The following PSME4 variants were observed in gnomAD, a reference collection of about 807,000 sequenced individuals.
PSME4 encodes the protein proteasome activator subunit 4, also known as proteasome activator complex subunit 4.
A neutral mutation model predicts 253.9 loss-of-function variants in PSME4; 89 were observed. The ratio of observed to expected loss-of-function variants is 0.35; its 90% CI spans 0.30 to 0.42. PSME4 has a LOEUF of 0.42. PSME4 is among the 10% of genes least tolerant of loss of function. The pLI, the probability that PSME4 is intolerant of heterozygous loss-of-function variation, is 1.00. For synonymous variants in PSME4, 851 were observed against 759.2 expected (o/e 1.12, Z -1.99); for missense variants, 2,014 against 2,195.2 (o/e 0.92, Z 1.65).
At chr2:53,959,039 G>A (rs967079557) in intron 1 of PSME4, among the ~76,000 whole-genome samples, 1 of 152,172 alleles carries the variant, frequency 6.6e-6, no homozygotes, top group African/African-American at 2.4e-5. Flanking sequence ...TTAAGAGCTG[G>A]GCGTGGTGGC....
Position 53,949,236 on chromosome 2 carries a change from A to C in PSME4, c.290T>G (p.Leu97Arg), listed in dbSNP as rs1439750154. ...GRKFSKEDHV[L>R]FIKLLYELVS... ...CAGCTCATACAATAACTTAATAAAAAGAACATGATCTTCTTTGCTAAATTT... is the reference window on the plus strand; with the variant it reads ...CAGCTCATACAATAACTTAATAAAACGAACATGATCTTCTTTGCTAAATTT... The change falls in exon 2 of 47, where the codon CTT (leucine) becomes CGT (arginine). Residue 97 changes from leucine to arginine, a missense_variant. Physicochemically the swap from Leu to Arg is moderately radical, Grantham distance 102. This residue lies in a region of PSME4 where 615 missense variants were observed against 594.4 expected (regional missense o/e 1.03). Transcript: ENST00000404125. 4 of 1,610,560 alleles carry C rather than the reference A, an allele frequency of 2.5e-6. No individual in the cohort carries two copies. In the African/African-American group the frequency reaches 5.3e-5, roughly 22 times the overall value.
chr2:53,915,024 T>C (rs1471828376), intron 20 of PSME4, among the ~76,000 whole-genome samples: 3 of 152,160 alleles, frequency 2.0e-5, no homozygotes, highest in Non-Finnish European at 4.4e-5. Flanking sequence ...TATAAGAATA[T>C]AGCACAGAAG....
intron 41 of PSME4, among the ~76,000 whole-genome samples, chr2:53,878,982 G>C (rs1206432242): frequency 2.0e-5 from 3 of 152,094 alleles, no homozygotes; most frequent in Admixed American, 6.5e-5. Flanking sequence ...AAACTTGCTG[G>C]TTTTACGGCT....
chr2:53,905,172 G>C (rs1415712607), intron 26 of PSME4, among the ~76,000 whole-genome samples: 1 of 151,118 alleles, frequency 6.6e-6, no homozygotes, highest in Non-Finnish European at 1.5e-5. Context: ...TGGGACTATA[G>C]GCGCATGCCA....
At chr2:53,939,926 A>G (rs776011899) in intron 4 of PSME4, 30 bp downstream of exon 4, 1 of 1,549,336 alleles carries the variant, frequency 6.5e-7, no homozygotes, top group Non-Finnish European at 8.9e-7. Context: ...AGAAACAACA[A>G]GAGGCTTTAT....
intron 31 of PSME4, 113 bp from the exon 32 acceptor site, chr2:53,896,998 C>G (rs1680168417): frequency 5.3e-6 from 4 of 757,518 alleles, no homozygotes; most frequent in African/African-American, 3.5e-5. Flanking sequence ...AACACCTCGC[C>G]TATCGACATC....
intron 27 of PSME4, among the ~76,000 whole-genome samples, chr2:53,902,774 T>C (rs1278512957): frequency 6.6e-6 from 1 of 152,234 alleles, no homozygotes; most frequent in Non-Finnish European, 1.5e-5. Context: ...AGAGTGAAAG[T>C]AGCCATACAT....
chr2:53,940,815 C>A (rs1425529353), intron 3 of PSME4, among the ~76,000 whole-genome samples: 1 of 139,364 alleles, frequency 7.2e-6, no homozygotes, highest in Non-Finnish European at 1.6e-5. Context: ...ATGATATGTA[C>A]AAGTAAAAAT....
chr2:53,922,964 A>C, intron 16 of PSME4, 85 bp downstream of exon 16: 9 of 1,073,400 alleles, frequency 8.4e-6, no homozygotes, highest in Non-Finnish European at 1.2e-5. Flanking sequence ...AGCTAAAGGA[A>C]TCTGTTGTCA....
At chr2:53,883,476 C>A (rs1250966273) in intron 41 of PSME4, among the ~76,000 whole-genome samples, 1 of 152,082 alleles carries the variant, frequency 6.6e-6, no homozygotes, top group Non-Finnish European at 1.5e-5. Flanking sequence ...GTGAGACTGT[C>A]TCAGAAAAAA....
At position 53,953,238 on chromosome 2, in the gene PSME4, T is replaced by C. The variant is rs560725179; in HGVS notation, c.243-3955A>G. Among the ~76,000 whole-genome samples the C allele has an allele frequency of 3.5e-4, 53 of 152,204 alleles. 2 individuals are homozygous for C. Among genetic ancestry groups the C allele is most frequent in the African/African-American group, 1.1e-3 (45 of 41,538 alleles). On this transcript the variant is annotated intron_variant, in intron 1 of 46. Coordinates refer to ENST00000404125, the MANE Select transcript of PSME4 (RefSeq NM_014614.3). Reference sequence around the variant, plus strand: ...AAAAAGAAAATTAATAAATTGGTCTTTATCATAAATAACTTCTAGTCACTA... The same window carrying C: ...AAAAAGAAAATTAATAAATTGGTCTCTATCATAAATAACTTCTAGTCACTA...
At chr2:53,940,956 T>TTTAA (rs1553338431) in intron 3 of PSME4, among the ~76,000 whole-genome samples, 6,128 of 37,624 alleles carry the variant, frequency 0.16, 812 homozygotes, top group East Asian at 0.29. Flanking sequence ...TATATACATA[T>TTTAA]ATATATATAT....
intron 1 of PSME4, among the ~76,000 whole-genome samples, chr2:53,958,124 TGCAGTGAGGCAAGATC>T (rs1255226641): frequency 6.9e-6 from 1 of 145,978 alleles, no homozygotes; most frequent in Non-Finnish European, 1.5e-5. Flanking sequence ...AGGCAGAGGT[TGCAGTGAGGCAAGATC>T]GCGCCACTGC....
chr2:53,869,644 C>T, intron 43 of PSME4, 106 bp from the exon 44 acceptor site: 1 of 911,062 alleles, frequency 1.1e-6, no homozygotes. Context: ...CCTGAAATTG[C>T]ATGCAAATTT....
intron 20 of PSME4, among the ~76,000 whole-genome samples, chr2:53,913,842 T>C (rs920490949): frequency 6.6e-6 from 1 of 152,096 alleles, no homozygotes; most frequent in Admixed American, 6.6e-5. Flanking sequence ...AGTCAGAAGG[T>C]GAAATAAGGA....
intron 4 of PSME4, among the ~76,000 whole-genome samples, chr2:53,939,139 G>C (rs1329734929): frequency 6.6e-6 from 1 of 152,132 alleles, no homozygotes; most frequent in Non-Finnish European, 1.5e-5. Flanking sequence ...TTGAGAGACA[G>C]ATATCTCATA....
chr2:53,951,551 T>C (rs1470329670), intron 1 of PSME4, among the ~76,000 whole-genome samples: 1 of 152,228 alleles, frequency 6.6e-6, no homozygotes, highest in Non-Finnish European at 1.5e-5. Context: ...ATTAGTACTA[T>C]GAGACCAGCA....
chr2:53,876,713 A>ATTTTTTTTTTTTTTTTT (rs1224675454), intron 41 of PSME4, among the ~76,000 whole-genome samples: 2 of 77,198 alleles, frequency 2.6e-5, no homozygotes, highest in African/African-American at 9.5e-5. Flanking sequence ...AGCCACTGTC[A>ATTTTTTTTTTTTTTTTT]TTCTTTTTTT....
intron 20 of PSME4, among the ~76,000 whole-genome samples, chr2:53,917,429 G>A (rs1326801809): frequency 6.6e-6 from 1 of 152,018 alleles, no homozygotes; most frequent in African/African-American, 2.4e-5. Flanking sequence ...TTGTCATGAT[G>A]CACATTTATT....
Sources: gnomAD v4.1 joint callset for allele counts (sites outside exome capture counted in the v4.1 genomes callset) on GRCh38, gnomAD v4.1.1 for gene constraint, gnomAD v4.1.1 regional missense constraint, MANE v1.5 for transcripts, NCBI Gene and HGNC (gene_info 2026-07-23, HGNC 2026-07-21) for gene names.